Variants in TSPAN11 observed in about 807,000 individuals in gnomAD.
TSPAN11 encodes tetraspanin 11.
In TSPAN11, 29 loss-of-function variants were observed where a neutral mutation model predicts 32.9. The observed-to-expected ratio is 0.88, with a 90% CI of 0.66 to 1.20. The LOEUF (loss-of-function observed/expected upper bound fraction) is 1.20. Among genes scored for constraint, TSPAN11 ranks in the 50% most tolerant of loss-of-function variants. The probability of loss-of-function intolerance (pLI) is 0.00; values close to 1 mark genes in which losing one functional copy is unlikely to be tolerated. For synonymous variants in TSPAN11, 140 were observed against 141.3 expected (o/e 0.99, Z 0.07); for missense variants, 283 against 329.1 (o/e 0.86, Z 1.08).
rs1362252747 is a variant in TSPAN11, at chr12:30,930,569, A to G, written c.-12+3773A>G. On this transcript the variant is annotated intron_variant, in intron 1 of 7. Transcript: ENST00000546076. Reference sequence around the variant, plus strand: ...GACCTTGCTAAGCTTCAATTTCCTCATCTGTAAATCGAGGAAATGACCTCA... The same window carrying G: ...GACCTTGCTAAGCTTCAATTTCCTCGTCTGTAAATCGAGGAAATGACCTCA... 2.0e-5 allele frequency among the ~76,000 whole-genome samples: 3 copies of G among 152,140 alleles called. No individual in the cohort carries two copies. The East Asian group carries it at 5.8e-4, about 29-fold the overall frequency.
the TSPAN11 span, among the ~76,000 whole-genome samples, chr12:31,004,693 G>C: frequency 1.1e-4 from 16 of 152,238 alleles, no homozygotes; most frequent in Non-Finnish European, 2.2e-4. Flanking sequence ...AAAGGAACTG[G>C]GGTGTGCAGA....
chr12:30,999,992 A>G (rs75664597), downstream of TSPAN11, among the ~76,000 whole-genome samples: 5,323 of 152,244 alleles, frequency 0.035, 287 homozygotes, highest in African/African-American at 0.12. Context: ...CTTGGCTCAA[A>G]TGTGCCCTGT....
chr12:30,940,777 C>T (rs1938144243), intron 1 of TSPAN11, among the ~76,000 whole-genome samples: 1 of 152,216 alleles, frequency 6.6e-6, no homozygotes, highest in African/African-American at 2.4e-5. Flanking sequence ...ACCCCCAGAT[C>T]ATGCCCCAGT....
chr12:30,962,927 A>C (rs934150615), intron 2 of TSPAN11, among the ~76,000 whole-genome samples: 3 of 152,192 alleles, frequency 2.0e-5, no homozygotes, highest in Non-Finnish European at 4.4e-5. Context: ...CACACACATT[A>C]TGCCCTTCTG....
chr12:30,952,318 C>A (rs1052153676), intron 1 of TSPAN11, among the ~76,000 whole-genome samples: 1 of 152,202 alleles, frequency 6.6e-6, no homozygotes, highest in African/African-American at 2.4e-5. Context: ...GGACTGACTG[C>A]ATAATGGCCG....
At chr12:30,979,542 G>A in intron 4 of TSPAN11, 24 bp from the exon 5 acceptor site, 1 of 1,612,284 alleles carries the variant, frequency 6.2e-7, no homozygotes, top group Non-Finnish European at 8.5e-7. Flanking sequence ...CCGCTGATGG[G>A]GACTTCGCTC....
intron 1 of TSPAN11, among the ~76,000 whole-genome samples, chr12:30,930,533 G>T (rs1044974450): frequency 6.6e-6 from 1 of 152,176 alleles, no homozygotes; most frequent in Non-Finnish European, 1.5e-5. Context: ...GTGACCTTCC[G>T]TGTGTTATGT....
intron 1 of TSPAN11, among the ~76,000 whole-genome samples, chr12:30,937,111 T>C (rs1592460945): frequency 6.6e-6 from 1 of 152,256 alleles, no homozygotes; most frequent in East Asian, 1.9e-4. Flanking sequence ...TCAGCAGAGA[T>C]GAAGCAGGAG....
chr12:30,986,490 G>A (rs1264815235), intron 7 of TSPAN11, among the ~76,000 whole-genome samples: 3 of 152,178 alleles, frequency 2.0e-5, no homozygotes. Context: ...CTAGCATGAC[G>A]GCCTCCCCTC....
At chr12:30,979,918 G>A (rs1454745139) in intron 5 of TSPAN11, among the ~76,000 whole-genome samples, 6 of 152,118 alleles carry the variant, frequency 3.9e-5, no homozygotes, top group African/African-American at 1.4e-4. Flanking sequence ...CCTCCTCCAG[G>A]CCCCACCCCT....
At chr12:30,964,855 G>T (rs1938696310) in intron 3 of TSPAN11, among the ~76,000 whole-genome samples, 1 of 152,244 alleles carries the variant, frequency 6.6e-6, no homozygotes, top group Admixed American at 6.5e-5. Flanking sequence ...TTAGGCTCGT[G>T]TGTTAAAATT....
intron 5 of TSPAN11, 120 bp downstream of exon 5, chr12:30,979,790 C>A: frequency 2.1e-6 from 2 of 958,642 alleles, no homozygotes; most frequent in Non-Finnish European, 3.2e-6. Flanking sequence ...TCAAATGTCA[C>A]ATCCTTAAAA....
At chr12:31,014,673 C>G in the TSPAN11 span, among the ~76,000 whole-genome samples, 1 of 152,164 alleles carries the variant, frequency 6.6e-6, no homozygotes, top group Non-Finnish European at 1.5e-5. Flanking sequence ...CCTTAAAGGA[C>G]AGATGTTTTC....
the TSPAN11 span, among the ~76,000 whole-genome samples, chr12:31,014,461 A>G: frequency 6.6e-6 from 1 of 152,210 alleles, no homozygotes; most frequent in Admixed American, 6.5e-5. Flanking sequence ...GAAAGACCAC[A>G]TGGCATTTTT....
intron 1 of TSPAN11, among the ~76,000 whole-genome samples, chr12:30,938,866 T>A (rs1162305865): frequency 1.3e-5 from 2 of 152,174 alleles, no homozygotes; most frequent in African/African-American, 4.8e-5. Context: ...CCTGAGAGAC[T>A]TTGACTTTGG....
rs1436390953 is a variant in TSPAN11, at chr12:30,939,601, G to A, written c.-12+12805G>A. On this transcript the variant is annotated intron_variant, in intron 1 of 7. Transcript: ENST00000546076. ...CTGAGTTCTGCAGCAGGAGAAGGGA[G>A]CCACTTGTGTTTGCCAACACTGAGA... 2.6e-5 allele frequency among the ~76,000 whole-genome samples: 4 copies of A among 152,176 alleles called. No individual in the cohort carries two copies. In the East Asian group the frequency reaches 5.8e-4, roughly 22 times the overall value.
At chr12:30,983,924 G>T (rs529604238) in intron 7 of TSPAN11, among the ~76,000 whole-genome samples, 1 of 152,324 alleles carries the variant, frequency 6.6e-6, no homozygotes, top group South Asian at 2.1e-4. Flanking sequence ...GACTGTGTGT[G>T]TGTGTGCCCT....
At chr12:30,960,403 T>C (rs2140290241) in intron 2 of TSPAN11, among the ~76,000 whole-genome samples, 2 of 152,122 alleles carry the variant, frequency 1.3e-5, no homozygotes, top group South Asian at 4.1e-4. Flanking sequence ...TCCTTCCTTA[T>C]TGGGATTCAA....
chr12:30,991,027 G>A (rs1328133905), intron 7 of TSPAN11, among the ~76,000 whole-genome samples: 1 of 152,192 alleles, frequency 6.6e-6, no homozygotes, highest in African/African-American at 2.4e-5. Flanking sequence ...AGAGCAAGGA[G>A]GGAGAATAAA....
Sources: allele counts gnomAD v4.1 joint callset (sites outside exome capture counted in the v4.1 genomes callset), GRCh38; gene constraint gnomAD v4.1.1; transcripts MANE v1.5; gene names NCBI Gene and HGNC (gene_info 2026-07-23, HGNC 2026-07-21).